The following RDX variants were observed in gnomAD, a reference collection of about 807,000 sequenced individuals.
RDX encodes the protein deafness, autosomal recessive 24.
RDX carries 32 observed loss-of-function variants against 83.7 expected under a neutral mutation model. The observed-to-expected ratio is 0.38, with a 90% confidence interval of 0.29 to 0.51. The LOEUF is 0.51. Ranked by LOEUF, RDX falls within the 20% of genes least tolerant of loss-of-function variation. The pLI is 0.87. For missense variants in RDX, 600 were observed against 689.9 expected (o/e 0.87, Z 1.46); for synonymous variants, 229 against 222.7 (o/e 1.03, Z -0.25).
intron 10 of RDX, among the ~76,000 whole-genome samples, chr11:110,246,263 A>T (rs572373255): frequency 2.2e-4 from 34 of 152,370 alleles, no homozygotes; most frequent in African/African-American, 7.9e-4. Flanking sequence ...ATGATCAATC[A>T]GCTTGCGCAT....
intron 14 of RDX, among the ~76,000 whole-genome samples, chr11:110,219,242 T>C (rs1864163481): frequency 6.6e-6 from 1 of 152,194 alleles, no homozygotes; most frequent in Non-Finnish European, 1.5e-5. Context: ...TTGGACCAGC[T>C]GGCTGCTTTA....
At chr11:110,210,888 C>T (rs1378951338) in intron 14 of RDX, among the ~76,000 whole-genome samples, 1 of 151,664 alleles carries the variant, frequency 6.6e-6, no homozygotes, top group African/African-American at 2.4e-5. Flanking sequence ...CAAAATCATG[C>T]CAAAATGTAA....
chr11:110,232,235 TG>T (rs1565304724), intron 13 of RDX, among the ~76,000 whole-genome samples: 1 of 152,188 alleles, frequency 6.6e-6, no homozygotes, highest in East Asian at 1.9e-4. Context: ...TTATCAACCA[TG>T]GTATTTTGTA....
intron 3 of RDX, among the ~76,000 whole-genome samples, chr11:110,270,360 T>C (rs535979526): frequency 6.6e-6 from 1 of 152,340 alleles, no homozygotes; most frequent in African/African-American, 2.4e-5. Flanking sequence ...TAAGTATTTG[T>C]GTATTTAAAC....
chr11:110,290,263 G>T (rs550608343), intron 1 of RDX, among the ~76,000 whole-genome samples: 1 of 152,020 alleles, frequency 6.6e-6, no homozygotes, highest in African/African-American at 2.4e-5. Flanking sequence ...GGTGGCTCAC[G>T]CCTGTAATCC....
At chr11:110,177,346 T>A (rs577487982) in intron 15 of RDX, among the ~76,000 whole-genome samples, 23 of 152,308 alleles carry the variant, frequency 1.5e-4, no homozygotes, top group African/African-American at 5.5e-4. Flanking sequence ...AGGTCCTTAA[T>A]CTTGAAGCTC....
At chr11:110,197,879 A>G (rs752493668) in intron 15 of RDX, among the ~76,000 whole-genome samples, 2 of 152,218 alleles carry the variant, frequency 1.3e-5, no homozygotes, top group Non-Finnish European at 2.9e-5. Flanking sequence ...AGTGAGAGCA[A>G]ATGATGATGG....
intron 10 of RDX, among the ~76,000 whole-genome samples, chr11:110,242,638 A>C (rs1462198503): frequency 6.6e-6 from 1 of 152,144 alleles, no homozygotes; most frequent in Admixed American, 6.5e-5. Flanking sequence ...ATGACAGATA[A>C]GGCAATAGCT....
chr11:110,283,813 G>C (rs920497009), intron 1 of RDX, among the ~76,000 whole-genome samples: 6 of 151,962 alleles, frequency 3.9e-5, no homozygotes, highest in Non-Finnish European at 8.8e-5. Context: ...AATAAAAACA[G>C]ATAAATATAT....
intron 14 of RDX, among the ~76,000 whole-genome samples, chr11:110,209,606 G>C (rs1022381881): frequency 4.0e-5 from 6 of 150,482 alleles, no homozygotes; most frequent in South Asian, 2.1e-4. Flanking sequence ...GCTTTGAAGA[G>C]AGCAGTGGTT....
At chr11:110,272,891 A>G (rs1329543564) in intron 2 of RDX, 5 of 493,028 alleles carry the variant, frequency 1.0e-5, no homozygotes, top group African/African-American at 3.9e-5. Context: ...ACAGAAACGC[A>G]AAGAGTTTCC....
At chr11:110,183,588 T>G (rs973244923) in intron 15 of RDX, among the ~76,000 whole-genome samples, 4 of 152,232 alleles carry the variant, frequency 2.6e-5, no homozygotes, top group African/African-American at 9.6e-5. Flanking sequence ...CCTCCCAAAG[T>G]GCTGGGATCA....
At chr11:110,277,912 G>T (rs997397278) in intron 2 of RDX, among the ~76,000 whole-genome samples, 5 of 152,076 alleles carry the variant, frequency 3.3e-5, no homozygotes, top group Admixed American at 1.3e-4. Flanking sequence ...TTTTCTTCTA[G>T]ATGTTTTACA....
intron 10 of RDX, among the ~76,000 whole-genome samples, chr11:110,240,910 G>T (rs1031126942): frequency 1.7e-4 from 25 of 150,814 alleles, no homozygotes; most frequent in Non-Finnish European, 3.0e-4. Context: ...CAAAAAATTA[G>T]CTGGGTGTGG....
intron 14 of RDX, among the ~76,000 whole-genome samples, chr11:110,213,433 C>A (rs1448718642): frequency 4.8e-5 from 2 of 42,000 alleles, no homozygotes; most frequent in African/African-American, 1.1e-4. Context: ...TTTACAGATT[C>A]AATGCCATCC....
At chr11:110,221,708 A>G (rs1352044812) in intron 14 of RDX, among the ~76,000 whole-genome samples, 2 of 152,082 alleles carry the variant, frequency 1.3e-5, no homozygotes, top group African/African-American at 2.4e-5. Context: ...ATCAAAGAAC[A>G]TTTCCTTAGC....
At chr11:110,194,841 CTA>C (rs1863169974) in intron 15 of RDX, among the ~76,000 whole-genome samples, 1 of 152,142 alleles carries the variant, frequency 6.6e-6, no homozygotes, top group African/African-American at 2.4e-5. Flanking sequence ...ATGGAAAATC[CTA>C]TGTCATGTTG....
intron 15 of RDX, among the ~76,000 whole-genome samples, chr11:110,189,243 T>TAA (rs35450797): frequency 8.1e-4 from 29 of 35,598 alleles, no homozygotes; most frequent in African/African-American, 2.0e-3. Flanking sequence ...GAACAACAGG[T>TAA]AAAAAAAAAA....
At chr11:110,195,650 T>C (rs183216450) in intron 15 of RDX, 1 of 152,390 alleles carries the variant, frequency 6.6e-6, no homozygotes, top group East Asian at 1.9e-4. Context: ...TTCTGCAGAT[T>C]CCACCAACAT....
Sources: allele counts gnomAD v4.1 joint callset (sites outside exome capture counted in the v4.1 genomes callset), GRCh38; gene constraint gnomAD v4.1.1; transcripts MANE v1.5; gene names NCBI Gene and HGNC (gene_info 2026-07-23, HGNC 2026-07-21).